Variants in MOXD1 observed in about 807,000 individuals in gnomAD.
MOXD1 encodes the protein DBH-like monooxygenase protein 1.
A neutral mutation model predicts 66.6 loss-of-function variants in MOXD1; 62 were observed. The ratio of observed to expected loss-of-function variants is 0.93; its 90% CI spans 0.76 to 1.15. The LOEUF is 1.15. MOXD1 is among the 50% of genes most tolerant of loss of function. The pLI, the probability that MOXD1 is intolerant of heterozygous loss-of-function variation, is 0.00. For missense variants in MOXD1, 847 were observed against 754.6 expected, an observed-to-expected ratio of 1.12 and a Z score of -1.44; for synonymous variants, 303 against 281.9, an observed-to-expected ratio of 1.07 and a Z score of -0.75.
Position 132,322,815 on chromosome 6 carries a change from G to A in MOXD1, c.1169C>T (p.Ala390Val). Residue 390 changes from alanine to valine, a missense_variant, in exon 8 of 12, where the codon GCT (alanine) becomes GTT (valine). Ala to Val is a moderately conservative substitution (Grantham distance 64). Coordinates refer to ENST00000367963, the MANE Select transcript of MOXD1 (RefSeq NM_015529.4). Reference protein sequence around the residue: ...GIHVFAVLLHAHLAGRGIRLR... With the variant: ...GIHVFAVLLHVHLAGRGIRLR... Reference sequence around the variant, plus strand: ...CCTGATGCCTCTGCCAGCCAGGTGAGCATGGAGAAGAACAGCAAACACATG... The same window carrying A: ...CCTGATGCCTCTGCCAGCCAGGTGAACATGGAGAAGAACAGCAAACACATG... The A allele has an allele frequency of 6.2e-7, 1 of 1,614,068 alleles. No individual in the cohort carries two copies.
intron 1 of MOXD1, among the ~76,000 whole-genome samples, chr6:132,398,205 A>G (rs1300328394): frequency 6.6e-6 from 1 of 152,164 alleles, no homozygotes; most frequent in Non-Finnish European, 1.5e-5. Context: ...AGTCACTCTT[A>G]GATTTATTTC....
At chr6:132,305,191 C>T (rs755728708) in intron 10 of MOXD1, among the ~76,000 whole-genome samples, 6 of 152,246 alleles carry the variant, frequency 3.9e-5, no homozygotes, top group Non-Finnish European at 7.3e-5. Flanking sequence ...GCCAGAGAGG[C>T]TGGATGGCTT....
intron 1 of MOXD1, among the ~76,000 whole-genome samples, chr6:132,380,269 G>A (rs1244274092): frequency 6.6e-6 from 1 of 152,124 alleles, no homozygotes; most frequent in Admixed American, 6.5e-5. Flanking sequence ...ATAGTACAAA[G>A]TCTATAATTT....
chr6:132,374,513 AAG>A, intron 2 of MOXD1, 116 bp downstream of exon 2: 1 of 1,060,522 alleles, frequency 9.4e-7, no homozygotes, highest in Non-Finnish European at 1.2e-6. Context: ...AAAATCAAAA[AAG>A]ATTTCAAAAA....
At chr6:132,370,811 T>C (rs1206363716) in intron 4 of MOXD1, among the ~76,000 whole-genome samples, 2 of 152,156 alleles carry the variant, frequency 1.3e-5, no homozygotes, top group African/African-American at 2.4e-5. Context: ...TCTAAGTTCA[T>C]GTGTCTGAGA....
intron 4 of MOXD1, among the ~76,000 whole-genome samples, chr6:132,353,171 A>G (rs973740876): frequency 6.6e-6 from 1 of 152,120 alleles, no homozygotes; most frequent in Non-Finnish European, 1.5e-5. Flanking sequence ...GTATCATTGC[A>G]TTCATTGTGC....
At chr6:132,342,031 C>T (rs897987925) in intron 4 of MOXD1, among the ~76,000 whole-genome samples, 1 of 151,810 alleles carries the variant, frequency 6.6e-6, no homozygotes, top group Non-Finnish European at 1.5e-5. Flanking sequence ...GAGATGGAGT[C>T]TCGCTCTGTT....
chr6:132,386,079 G>A (rs1163894597), intron 1 of MOXD1, among the ~76,000 whole-genome samples: 2 of 140,722 alleles, frequency 1.4e-5, no homozygotes, highest in Admixed American at 1.5e-4. Flanking sequence ...CTCCAGCCTG[G>A]GCGACAGGGC....
intron 4 of MOXD1, among the ~76,000 whole-genome samples, chr6:132,341,824 G>C (rs1423219325): frequency 6.6e-6 from 1 of 152,016 alleles, no homozygotes; most frequent in Non-Finnish European, 1.5e-5. Flanking sequence ...TGATTATTTT[G>C]GCTCACATTT....
chr6:132,322,750 C>T lies in MOXD1; in HGVS notation c.1234G>A (p.Ala412Thr), dbSNP rs1775103099. 6.2e-7 allele frequency: 1 copy of T among 1,614,094 alleles called. No homozygotes were observed. The highest frequency in any genetic ancestry group is 8.5e-7 in the Non-Finnish European group (1 of 1,179,966). ...TTGAAGTCAAAATCATCATCATAGG[C>T]AAGTAATTTCATTTCCTTCCCTTTT... ...FRKGKEMKLL[A>T]YDDDFDFNFQ... is the part of the protein sequence containing the mutation. Residue 412 changes from alanine (A) to threonine (T), a missense_variant, in exon 8 of 12, where the codon GCC becomes ACC. By Grantham distance (58) the Ala-to-Thr change is moderately conservative (BLOSUM62 0). Transcript: ENST00000367963.
At chr6:132,308,550 G>A (rs1459769307) in intron 10 of MOXD1, among the ~76,000 whole-genome samples, 10 of 151,926 alleles carry the variant, frequency 6.6e-5, no homozygotes, top group African/African-American at 2.2e-4. Flanking sequence ...TACCAAAACC[G>A]GGAAGAGACA....
intron 3 of MOXD1, 32 bp downstream of exon 3, chr6:132,372,798 T>A: frequency 6.2e-7 from 1 of 1,611,698 alleles, no homozygotes; most frequent in Non-Finnish European, 8.5e-7. Flanking sequence ...AATAAGCCCA[T>A]CCCTACAATC....
chr6:132,359,496 T>C lies in MOXD1; in HGVS notation c.663+13112A>G, dbSNP rs189499488. On this transcript the variant is annotated intron_variant, in intron 4 of 11. Coordinates refer to ENST00000367963, the MANE Select transcript of MOXD1 (RefSeq NM_015529.4). ...GTTTTTTTTTTCTTTTTCTTTTTTT[T>C]TTTTTTTTGAGACGGAGTCTCGCTC... Among the ~76,000 whole-genome samples the C allele has an allele frequency of 5.5e-3, 819 of 148,988 alleles. 7 individuals are homozygous for C. Among genetic ancestry groups the C allele is most frequent in the Non-Finnish European group, 0.01 (673 of 66,994 alleles).
In MOXD1 at chr6:132,378,875, CTTTTTTTTTTTTTTTT is replaced by C. The variant is rs3038136; in HGVS notation, c.265-4114_265-4099del. Among the ~76,000 whole-genome samples, 39 of 41,906 alleles carry C rather than the reference CTTTTTTTTTTTTTTTT, an allele frequency of 9.3e-4. No homozygotes were observed. In the South Asian group the frequency reaches 0.014, roughly 15 times the overall value. The allele number at this position is 41,906 out of a possible 152,430, so 27.5% of individuals were successfully genotyped here. ...AATGAAAGAGGACAGAACACTTCCTCTTTTTTTTTTTTTTTTTTTTTTTTTTTTTTTTTTTTTTTGC... is the reference window on the plus strand; with the variant it reads ...AATGAAAGAGGACAGAACACTTCCTCTTTTTTTTTTTTTTTTTTTTTTTGC... On this transcript the variant is annotated intron_variant, in intron 1 of 11. Transcript: ENST00000367963.
intron 1 of MOXD1, among the ~76,000 whole-genome samples, chr6:132,385,489 A>ATTG (rs1325549228): frequency 7.0e-6 from 1 of 142,078 alleles, no homozygotes; most frequent in Non-Finnish European, 1.5e-5. Context: ...TATTATTATT[A>ATTG]TTATTATTAT....
rs917266178 is a variant in MOXD1 at position 132,296,411 on chromosome 6, T to C, written c.*742A>G. 3 of 152,192 alleles carry C rather than the reference T, an allele frequency of 2.0e-5. No homozygotes were observed. The highest frequency in any genetic ancestry group is 7.2e-5 in the African/African-American group (3 of 41,418). 9.4% of individuals were successfully genotyped at this position (152,192 alleles called of 1,614,324 possible). ...AGCTACATTTTTTCTCCTCAGCCTA[T>C]GATCAGTTATTAATACATACCATTT... On this transcript the variant is annotated 3_prime_UTR_variant, in exon 12 of 12. Transcript: ENST00000367963.
At chr6:132,385,395 T>C (rs1368708070) in intron 1 of MOXD1, among the ~76,000 whole-genome samples, 1 of 151,852 alleles carries the variant, frequency 6.6e-6, no homozygotes, top group African/African-American at 2.4e-5. Flanking sequence ...CTTTTCCCTC[T>C]TTTAATTATT....
At chr6:132,373,492 G>T (rs901833688) in intron 2 of MOXD1, among the ~76,000 whole-genome samples, 1 of 152,108 alleles carries the variant, frequency 6.6e-6, no homozygotes, top group African/African-American at 2.4e-5. Flanking sequence ...CTAGTCACAC[G>T]TATACATTTA....
chr6:132,333,180 C>G (rs1373455648), intron 4 of MOXD1, among the ~76,000 whole-genome samples: 1 of 151,842 alleles, frequency 6.6e-6, no homozygotes, highest in East Asian at 1.9e-4. Flanking sequence ...ACTAAAAATA[C>G]AAAAAATTAG....
Sources: allele counts gnomAD v4.1 joint callset (sites outside exome capture counted in the v4.1 genomes callset), GRCh38; gene constraint gnomAD v4.1.1; transcripts MANE v1.5; gene names NCBI Gene and HGNC (gene_info 2026-07-23, HGNC 2026-07-21).